MSRB3: variants seen among roughly 807,000 people sequenced by gnomAD.
MSRB3 encodes methionine-R-sulfoxide reductase B3.
MSRB3 carries 13 observed loss-of-function variants against 21.0 expected under a neutral mutation model. The ratio of observed to expected loss-of-function variants is 0.62; its 90% CI spans 0.40 to 0.98. The LOEUF is 0.98. Among genes scored for constraint, MSRB3 ranks in the 50% least tolerant of loss-of-function variants. The pLI, the probability that MSRB3 is intolerant of heterozygous loss-of-function variation, is 0.00. For missense variants in MSRB3, 199 were observed against 230.3 expected, an observed-to-expected ratio of 0.86 and a Z score of 0.88; for synonymous variants, 87 against 88.6, an observed-to-expected ratio of 0.98 and a Z score of 0.10.
chr12:65,339,425 T>A (rs1875996861), intron 4 of MSRB3, among the ~76,000 whole-genome samples: 1 of 152,214 alleles, frequency 6.6e-6, no homozygotes, highest in African/African-American at 2.4e-5. Context: ...AATCAACAAA[T>A]AATAAATCAA....
At chr12:65,332,116 C>T (rs908489584) in intron 4 of MSRB3, among the ~76,000 whole-genome samples, 4 of 152,096 alleles carry the variant, frequency 2.6e-5, no homozygotes, top group East Asian at 1.9e-4. Flanking sequence ...GATTTAGAGG[C>T]GAGAGGCTCT....
At chr12:65,418,516 G>C (rs1272329919) in intron 5 of MSRB3, among the ~76,000 whole-genome samples, 1 of 151,822 alleles carries the variant, frequency 6.6e-6, no homozygotes, top group Non-Finnish European at 1.5e-5. Flanking sequence ...ATCTATTTTT[G>C]CCTTTGTTGC....
chr12:65,381,335 C>T (rs1878929610), intron 5 of MSRB3, among the ~76,000 whole-genome samples: 1 of 152,074 alleles, frequency 6.6e-6, no homozygotes, highest in African/African-American at 2.4e-5. Flanking sequence ...ATCATGGTCA[C>T]CTTCTTTGGG....
intron 5 of MSRB3, among the ~76,000 whole-genome samples, chr12:65,435,690 T>C (rs1565891062): frequency 6.6e-6 from 1 of 151,880 alleles, no homozygotes; most frequent in East Asian, 1.9e-4. Context: ...TGGAGATTTC[T>C]AGGAAAGATT....
chr12:65,384,241 A>G (rs1879096680), intron 5 of MSRB3, among the ~76,000 whole-genome samples: 1 of 152,166 alleles, frequency 6.6e-6, no homozygotes, highest in African/African-American at 2.4e-5. Context: ...TAGATTTAAT[A>G]ATTTTCCTCT....
rs1372524195 is a variant in MSRB3, at chr12:65,278,815, C to G, written c.-102C>G. The G allele has an allele frequency of 3.8e-6, 6 of 1,571,054 alleles. No homozygotes were observed. The East Asian group carries it at 9.4e-5, about 25-fold the overall frequency. On this transcript the variant is annotated 5_prime_UTR_variant, in exon 1 of 7. Coordinates refer to ENST00000308259, the MANE Select transcript of MSRB3 (RefSeq NM_001031679.3). The stretch of plus-strand genomic sequence containing the variant: ...CCGCGCCCCCTCTCGCTCTGCCTCT[C>G]CCTCTGCCTCTGCCTCTGCCTGGCC...
intron 5 of MSRB3, chr12:65,420,111 T>C: frequency 2.4e-6 from 1 of 424,074 alleles, no homozygotes; most frequent in Non-Finnish European, 4.6e-6. Flanking sequence ...GCTCTAATTT[T>C]ATTCTTCTGA....
chr12:65,423,915 G>GTAC (rs1881448939), intron 5 of MSRB3, among the ~76,000 whole-genome samples: 1 of 152,090 alleles, frequency 6.6e-6, no homozygotes, highest in East Asian at 1.9e-4. Context: ...ATTGTTATTA[G>GTAC]TACTTCTTTA....
chr12:65,415,219 C>T (rs1412268087), intron 5 of MSRB3, among the ~76,000 whole-genome samples: 1 of 152,164 alleles, frequency 6.6e-6, no homozygotes, highest in African/African-American at 2.4e-5. Context: ...TAAGCTCATA[C>T]TCTTTAGGAT....
Position 65,457,962 on chromosome 12 carries a change from T to C in MSRB3, c.390+4137T>C, listed in dbSNP as rs368859290. On this transcript the variant is annotated intron_variant, in intron 6 of 6. Transcript: ENST00000308259. The stretch of plus-strand genomic sequence containing the variant: ...TTGTATTCTTAATTTACGTGGCTTG[T>C]CTTTTCTCTGGACTGAGTTGCCTCA... Among the ~76,000 whole-genome samples the C allele has an allele frequency of 2.7e-4, 41 of 152,352 alleles. No individual in the cohort carries two copies. The East Asian group carries it at 7.7e-3, about 29-fold the overall frequency.
At chr12:65,441,849 C>A (rs1463094462) in intron 5 of MSRB3, among the ~76,000 whole-genome samples, 1 of 151,924 alleles carries the variant, frequency 6.6e-6, no homozygotes, top group African/African-American at 2.4e-5. Flanking sequence ...AGGGAATGTA[C>A]AGTATTTGCT....
chr12:65,387,081 C>T (rs914556680), intron 5 of MSRB3, among the ~76,000 whole-genome samples: 2 of 151,944 alleles, frequency 1.3e-5, no homozygotes, highest in Non-Finnish European at 2.9e-5. Flanking sequence ...TACAGTACAA[C>T]AGCAGTATCT....
chr12:65,365,519 G>A (rs1038036483), intron 4 of MSRB3, among the ~76,000 whole-genome samples: 1 of 152,174 alleles, frequency 6.6e-6, no homozygotes, highest in African/African-American at 2.4e-5. Context: ...TATACGCCAT[G>A]CAGAGGAGTG....
intron 5 of MSRB3, among the ~76,000 whole-genome samples, chr12:65,398,756 C>T (rs1879953209): frequency 1.3e-5 from 2 of 152,192 alleles, no homozygotes; most frequent in South Asian, 2.1e-4. Context: ...ACATTTAAGC[C>T]TCTAATTCAT....
chr12:65,419,419 G>A, intron 5 of MSRB3: 1 of 748,848 alleles, frequency 1.3e-6, no homozygotes, highest in Non-Finnish European at 2.5e-6. Context: ...CTCGATCTCT[G>A]TCTTCAGCTG....
At chr12:65,440,212 A>G (rs1346597300) in intron 5 of MSRB3, among the ~76,000 whole-genome samples, 1 of 151,826 alleles carries the variant, frequency 6.6e-6, no homozygotes, top group Non-Finnish European at 1.5e-5. Context: ...AACATCCTAT[A>G]TGAAAATATA....
In MSRB3 at chr12:65,326,887, G is replaced by T; in HGVS notation, c.138G>T (p.Arg46=). 2 of 1,612,452 alleles carry T rather than the reference G, an allele frequency of 1.2e-6. No individual in the cohort carries two copies. The highest frequency in any genetic ancestry group is 4.5e-5 in the East Asian group (2 of 44,806). ...VVFSQQELRK[R]LTPLQYHVTQ... ...TTTCCCAGCAGGAACTGAGGAAGCG[G>T]CTAACACCCCTGCAGTACCATGTCA... The change falls in exon 3 of 7, where the codon CGG becomes CGT. Residue 46 remains arginine, a synonymous_variant. Transcript: ENST00000308259.
At chr12:65,285,767 C>G (rs1447737127) in intron 1 of MSRB3, 1 of 152,400 alleles carries the variant, frequency 6.6e-6, no homozygotes, top group Admixed American at 6.5e-5. Flanking sequence ...TTGCAGTGAG[C>G]CAAGATCGTG....
intron 4 of MSRB3, among the ~76,000 whole-genome samples, chr12:65,368,037 C>T (rs986130566): frequency 5.9e-5 from 9 of 152,116 alleles, no homozygotes; most frequent in Admixed American, 5.9e-4. Flanking sequence ...CCTTCCCTTT[C>T]CTCCTTTGAT....
Sources: gnomAD v4.1 joint callset for allele counts (sites outside exome capture counted in the v4.1 genomes callset) on GRCh38, gnomAD v4.1.1 for gene constraint, MANE v1.5 for transcripts, NCBI Gene and HGNC (gene_info 2026-07-23, HGNC 2026-07-21) for gene names.